Variants in CCN4 observed in about 807,000 individuals in gnomAD.
The protein encoded by CCN4 is CCN family member 4.
In CCN4, 30 loss-of-function variants were observed where a neutral mutation model predicts 36.7. The ratio of observed to expected loss-of-function variants is 0.82; its 90% CI spans 0.61 to 1.11. CCN4 has a LOEUF of 1.11. Among genes scored for constraint, CCN4 ranks in the 50% least tolerant of loss-of-function variants. The pLI, the probability that CCN4 is intolerant of heterozygous loss-of-function variation, is 0.00. For synonymous variants in CCN4, 191 were observed against 195.4 expected, an observed-to-expected ratio of 0.98 and a Z score of 0.19; for missense variants, 505 against 504.9, an observed-to-expected ratio of 1.00 and a Z score of 0.00.
In CCN4 at chr8:133,230,929, T is replaced by C. The variant is rs1276993805; in HGVS notation, c.*3219T>C. 6.6e-6 allele frequency: 1 copy of C among 152,200 alleles called. No homozygotes were observed. The highest frequency in any genetic ancestry group is 1.9e-4 in the East Asian group (1 of 5,192). The allele number at this position is 152,200 out of a possible 1,614,324, so 9.4% of individuals were successfully genotyped here. On this transcript the variant is annotated 3_prime_UTR_variant, in exon 5 of 5. Transcript: ENST00000250160. ...GAAGTTTAGTCGTGTACTCAAGGTCTTACCAGCTAGTGAACAGCAGACCAA... is the reference window on the plus strand; with the variant it reads ...GAAGTTTAGTCGTGTACTCAAGGTCCTACCAGCTAGTGAACAGCAGACCAA...
Position 133,227,826 on chromosome 8 carries a change from T to C in CCN4, c.*116T>C. On this transcript the variant is annotated 3_prime_UTR_variant, in exon 5 of 5. Transcript: ENST00000250160. ...GTTACCCTGATCTGGACCCTTGGCC[T>C]CCATTTCTGTCTCTAACCATTCAAA... The C allele has an allele frequency of 8.7e-7, 1 of 1,149,382 alleles. No individual in the cohort carries two copies. Among genetic ancestry groups the C allele is most frequent in the East Asian group, 2.5e-5 (1 of 40,006 alleles). The allele number at this position is 1,149,382 out of a possible 1,614,324, so 71.2% of individuals were successfully genotyped here. A position where few individuals can be genotyped will look rare whatever the true frequency, so the allele number is the denominator to read the frequency against.
chr8:133,210,372 A>G (rs957815957), intron 1 of CCN4, among the ~76,000 whole-genome samples: 54 of 148,102 alleles, frequency 3.6e-4, no homozygotes, highest in Non-Finnish European at 1.3e-4. Context: ...TCTCTCCCCA[A>G]AGTCAAAAAG....
intron 1 of CCN4, among the ~76,000 whole-genome samples, chr8:133,194,688 T>TGTGTGGGG: frequency 1.9e-5 from 2 of 103,174 alleles, no homozygotes; most frequent in African/African-American, 8.7e-5. Context: ...GTGTGTGGTG[T>TGTGTGGGG]GTGTGTGGAG....
chr8:133,214,507 GGTTGTTGTT>G lies in CCN4; in HGVS notation c.349+1380_349+1388del, dbSNP rs376862240. 7.3e-5 allele frequency among the ~76,000 whole-genome samples: 11 copies of G among 151,554 alleles called. No individual in the cohort carries two copies. The South Asian group carries it at 2.1e-3, about 29-fold the overall frequency. The stretch of plus-strand genomic sequence containing the variant: ...TTCTGATATCCTCCTGTTTGGAGGT[GGTTGTTGTT>G]GTTGTTGTTGTTGTTAGTTGTTGTT... On this transcript the variant is annotated intron_variant, in intron 2 of 4. Transcript: ENST00000250160.
intron 3 of CCN4, among the ~76,000 whole-genome samples, chr8:133,225,130 C>A (rs369288330): frequency 2.0e-5 from 3 of 152,150 alleles, no homozygotes; most frequent in Admixed American, 2.0e-4. Context: ...AACTGGGATC[C>A]ACCTGTCTCT....
At chr8:133,206,634 G>A (rs1379663931) in intron 1 of CCN4, among the ~76,000 whole-genome samples, 1 of 152,164 alleles carries the variant, frequency 6.6e-6, no homozygotes, top group Non-Finnish European at 1.5e-5. Flanking sequence ...GACAGAGAGA[G>A]AGACCCTACA....
chr8:133,212,838 C>G, intron 1 of CCN4, 26 bp from the exon 2 acceptor site: 2 of 1,517,240 alleles, frequency 1.3e-6, no homozygotes, highest in Non-Finnish European at 1.8e-6. Flanking sequence ...CAGCAGCCCC[C>G]CTTTCCCTCT....
rs375956639 is a variant in CCN4 at position 133,191,193 on chromosome 8, G to A, written c.49G>A (p.Ala17Thr). 30 of 1,606,062 alleles carry A rather than the reference G, an allele frequency of 1.9e-5. No homozygotes were observed. The highest frequency in any genetic ancestry group is 3.3e-5 in the Admixed American group (2 of 59,914). The change falls in exon 1 of 5, where the codon GCC (alanine) becomes ACC (threonine). Residue 17 changes from alanine to threonine, a missense_variant. By Grantham distance (58) the Ala-to-Thr change is moderately conservative. Transcript: ENST00000250160. ...WTLAAVTAAA[A>T]STVLATALSP... ...GCTGGCAGCAGTGACAGCAGCAGCC[G>A]CCAGCACCGTCCTGGCCACGGTGAG...
chr8:133,212,636 G>A (rs982257108), intron 1 of CCN4, among the ~76,000 whole-genome samples: 5 of 152,204 alleles, frequency 3.3e-5, no homozygotes, highest in African/African-American at 1.2e-4. Flanking sequence ...CCGCTGACCA[G>A]CGGAAGGATT....
At chr8:133,214,474 T>A (rs189858703) in intron 2 of CCN4, among the ~76,000 whole-genome samples, 2 of 152,222 alleles carry the variant, frequency 1.3e-5, no homozygotes, top group Admixed American at 1.3e-4. Flanking sequence ...TTCTTTATTC[T>A]TGGTGTATTC....
intron 2 of CCN4, among the ~76,000 whole-genome samples, chr8:133,215,099 T>C (rs1266934984): frequency 6.6e-6 from 1 of 152,228 alleles, no homozygotes; most frequent in African/African-American, 2.4e-5. Context: ...TGAAACTCAT[T>C]AGCAGCCACA....
chr8:133,196,705 A>G (rs1367373478), intron 1 of CCN4, among the ~76,000 whole-genome samples: 1 of 152,208 alleles, frequency 6.6e-6, no homozygotes, highest in Non-Finnish European at 1.5e-5. Flanking sequence ...ATATATTAAC[A>G]TTAGTACTAT....
chr8:133,200,236 T>A (rs976909510), intron 1 of CCN4, among the ~76,000 whole-genome samples: 2 of 152,158 alleles, frequency 1.3e-5, no homozygotes, highest in African/African-American at 2.4e-5. Context: ...GATCCCTTCA[T>A]CCCAGCCTGC....
At chr8:133,201,357 A>G (rs1398776044) in intron 1 of CCN4, among the ~76,000 whole-genome samples, 1 of 152,182 alleles carries the variant, frequency 6.6e-6, no homozygotes, top group Non-Finnish European at 1.5e-5. Flanking sequence ...AAAAAAAATT[A>G]TTTGGGAGAG....
chr8:133,191,314 G>T, intron 1 of CCN4, 101 bp downstream of exon 1: 2 of 1,373,556 alleles, frequency 1.5e-6, no homozygotes, highest in Non-Finnish European at 2.0e-6. Flanking sequence ...GGCCAGGAAG[G>T]TTTGGGGCTG....
Position 133,191,172 on chromosome 8 carries a change from G to A in CCN4, c.28G>A (p.Ala10Thr), listed in dbSNP as rs141541463. 13 of 1,606,398 alleles carry A rather than the reference G, an allele frequency of 8.1e-6. No homozygotes were observed. The highest frequency in any genetic ancestry group is 1.0e-5 in the Non-Finnish European group (12 of 1,179,764). ...GAGGTGGTTCCTGCCCTGGACGCTG[G>A]CAGCAGTGACAGCAGCAGCCGCCAG... MRWFLPWTL[A>T]AVTAAAASTV... Residue 10 changes from alanine to threonine, a missense_variant, in exon 1 of 5, where the codon GCA (alanine) becomes ACA (threonine). Coordinates refer to ENST00000250160, the MANE Select transcript of CCN4 (RefSeq NM_003882.4).
At position 133,197,112 on chromosome 8, in the gene CCN4, G is replaced by A. The variant is rs141750600; in HGVS notation, c.69+5899G>A. ...GATGATGGTGGTGGTGGTGGTGGTG[G>A]TGGTGCCTGTAGGTGAGATGTGTAT... On this transcript the variant is annotated intron_variant, in intron 1 of 4. Coordinates refer to ENST00000250160, the MANE Select transcript of CCN4 (RefSeq NM_003882.4). Among the ~76,000 whole-genome samples, 30 of 152,212 alleles carry A rather than the reference G, an allele frequency of 2.0e-4. No individual in the cohort carries two copies. The East Asian group carries it at 5.6e-3, about 28-fold the overall frequency.
chr8:133,200,995 C>A (rs576429011), intron 1 of CCN4, among the ~76,000 whole-genome samples: 1 of 152,250 alleles, frequency 6.6e-6, no homozygotes, highest in Admixed American at 6.5e-5. Flanking sequence ...AATGTCTGCT[C>A]CTCTAGGGAG....
At chr8:133,210,605 AG>A (rs1300919421) in intron 1 of CCN4, among the ~76,000 whole-genome samples, 1 of 151,614 alleles carries the variant, frequency 6.6e-6, no homozygotes, top group Non-Finnish European at 1.5e-5. Context: ...TCCTCCCTGC[AG>A]GGGGCTGCAG....
Sources: gnomAD v4.1 joint callset for allele counts (sites outside exome capture counted in the v4.1 genomes callset) on GRCh38, gnomAD v4.1.1 for gene constraint, MANE v1.5 for transcripts, NCBI Gene and HGNC (gene_info 2026-07-23, HGNC 2026-07-21) for gene names.